The following RBM41 variants were observed in gnomAD, a reference collection of about 807,000 sequenced individuals.
RBM41 encodes the protein RNA binding motif protein 41.
Under a neutral mutation model 30.8 loss-of-function variants are expected in RBM41, and 14 were observed. That is an observed-to-expected ratio of 0.45 (90% CI 0.30 to 0.71). The LOEUF is 0.71. Ranked by LOEUF, RBM41 falls within the 30% of genes least tolerant of loss-of-function variation. The pLI is 0.08. For synonymous variants in RBM41, 120 were observed against 110.1 expected (o/e 1.09, Z -0.56); for missense variants, 276 against 326.3 (o/e 0.85, Z 1.19).
chrX:107,052,454 C>A, the RBM41 span, among the ~76,000 whole-genome samples: 2 of 110,902 alleles, frequency 1.8e-5, no homozygotes, highest in African/African-American at 6.6e-5. Flanking sequence ...CTCAGTACCC[C>A]CTCTCAACAG....
Position 107,069,288 on chromosome X carries a change from G to A in RBM41, c.1114C>T (p.Arg372Ter). ...PPIQFRMMTG[R>*]MRGQAFITFP... Reference sequence around the variant, plus strand: ...GTGATAAAAGCCTGGCCCCTCATTCGTCCAGTCATCATTCGGAATTGAATT... The same window carrying A: ...GTGATAAAAGCCTGGCCCCTCATTCATCCAGTCATCATTCGGAATTGAATT... The change falls in exon 7 of 8, where the codon CGA becomes TGA. Residue 372 changes from arginine (R) to a stop codon, truncating the protein, a stop_gained. Transcript: ENST00000685964. LOFTEE classifies it high-confidence loss of function. 1.7e-6 allele frequency: 2 copies of A among 1,209,099 alleles called. No individual in the cohort carries two copies. Among genetic ancestry groups the A allele is most frequent in the Non-Finnish European group, 2.2e-6 (2 of 894,484 alleles).
At chrX:107,104,087 AC>A (rs1413984142) in intron 5 of RBM41, among the ~76,000 whole-genome samples, 2 of 107,900 alleles carry the variant, frequency 1.9e-5, no homozygotes, top group Non-Finnish European at 3.8e-5. Context: ...CCCCTCCCCT[AC>A]CCCCCCGCCA....
intron 5 of RBM41, among the ~76,000 whole-genome samples, chrX:107,110,332 C>G (rs1924362148): frequency 9.0e-6 from 1 of 111,094 alleles, no homozygotes; most frequent in African/African-American, 3.3e-5. Context: ...ACATAAAAGG[C>G]AACCCATGAA....
intron 5 of RBM41, among the ~76,000 whole-genome samples, chrX:107,089,462 T>C (rs981946788): frequency 4.5e-5 from 5 of 112,094 alleles, no homozygotes; most frequent in Non-Finnish European, 5.6e-5. Flanking sequence ...CTACCTAATA[T>C]AGTAGCCACT....
intron 5 of RBM41, among the ~76,000 whole-genome samples, chrX:107,111,766 A>T (rs1376447597): frequency 8.9e-6 from 1 of 111,760 alleles, no homozygotes; most frequent in Non-Finnish European, 1.9e-5. Context: ...TATGCTAACT[A>T]AAGCCAGTCA....
At position 107,075,739 on chromosome X, in the gene RBM41, G is replaced by A. The variant is rs1380538638; in HGVS notation, c.1000-6337C>T. On this transcript the variant is annotated intron_variant, in intron 6 of 7. Coordinates refer to ENST00000685964, the MANE Select transcript of RBM41 (RefSeq NM_001324242.2). Reference sequence around the variant, plus strand: ...AAAAAAACAGAAAATTACAAATGTTGGCAAGGATATGAAGAAGTTGGAACC... The same window carrying A: ...AAAAAAACAGAAAATTACAAATGTTAGCAAGGATATGAAGAAGTTGGAACC... Among the ~76,000 whole-genome samples, 15 of 111,681 alleles carry A rather than the reference G, an allele frequency of 1.3e-4. No homozygotes were observed. In the Admixed American group the frequency reaches 1.4e-3, roughly 11 times the overall value.
intron 5 of RBM41, among the ~76,000 whole-genome samples, chrX:107,093,726 G>A (rs1246783269): frequency 9.0e-6 from 1 of 110,908 alleles, no homozygotes; most frequent in East Asian, 2.8e-4. Context: ...GTAGAAGGAA[G>A]AAAACAATAA....
intron 6 of RBM41, among the ~76,000 whole-genome samples, chrX:107,077,836 AG>A (rs1248741833): frequency 1.8e-5 from 2 of 111,696 alleles, no homozygotes; most frequent in African/African-American, 6.5e-5. Context: ...ATTTTAGAAC[AG>A]TTTTGGATTT....
chrX:107,106,811 T>C (rs1036738104), intron 5 of RBM41, among the ~76,000 whole-genome samples: 3 of 102,775 alleles, frequency 2.9e-5, no homozygotes, highest in Non-Finnish European at 5.8e-5. Flanking sequence ...TAGGTGGGAA[T>C]TGAACAATGA....
At chrX:107,067,824 AT>A in intron 7 of RBM41, 131 bp from the exon 8 acceptor site, 1 of 747,341 alleles carries the variant, frequency 1.3e-6, no homozygotes, top group African/African-American at 2.1e-5. Flanking sequence ...TGATTTGATC[AT>A]TTTTTCTATA....
intron 6 of RBM41, among the ~76,000 whole-genome samples, chrX:107,076,316 CAAATAAATAAATAAATAAATAAAT>C (rs55848548): frequency 1.4e-4 from 13 of 92,765 alleles, no homozygotes; most frequent in African/African-American, 3.6e-4. Flanking sequence ...GACTCCGTCT[CAAATAAATAAATAAATAAATAAAT>C]AAATAAATAA....
At chrX:107,075,855 T>C (rs1340333401) in intron 6 of RBM41, among the ~76,000 whole-genome samples, 1 of 111,918 alleles carries the variant, frequency 8.9e-6, no homozygotes, top group Non-Finnish European at 1.9e-5. Flanking sequence ...AGAACTACCA[T>C]ACAATCCAAC....
At chrX:107,083,047 CT>C (rs1921685118) in intron 6 of RBM41, among the ~76,000 whole-genome samples, 1 of 110,459 alleles carries the variant, frequency 9.1e-6, no homozygotes, top group Non-Finnish European at 1.9e-5. Flanking sequence ...TTTTGCTTAT[CT>C]CTGGAGAACT....
chrX:107,100,348 CA>C (rs1178812354), intron 5 of RBM41, among the ~76,000 whole-genome samples: 1 of 110,041 alleles, frequency 9.1e-6, no homozygotes, highest in African/African-American at 3.3e-5. Flanking sequence ...AAAAATTAGC[CA>C]GGGGTGATGG....
intron 6 of RBM41, among the ~76,000 whole-genome samples, chrX:107,082,491 G>A (rs1466669916): frequency 1.8e-5 from 2 of 110,929 alleles, no homozygotes; most frequent in African/African-American, 6.5e-5. Flanking sequence ...TTCTATACAC[G>A]AGGGATACTG....
At chrX:107,112,988 T>C (rs1235376692) in intron 5 of RBM41, 1 of 258,322 alleles carries the variant, frequency 3.9e-6, no homozygotes, top group Non-Finnish European at 7.3e-6. Flanking sequence ...TTACAATTCA[T>C]AGAATTGTAC....
intron 1 of RBM41, 143 bp downstream of exon 1, chrX:107,118,623 G>T: frequency 1.3e-6 from 1 of 774,531 alleles, no homozygotes; most frequent in Non-Finnish European, 2.0e-6. Context: ...CCCTCCTCCC[G>T]TCTCCTTTGT....
intron 5 of RBM41, among the ~76,000 whole-genome samples, chrX:107,108,769 T>G (rs1924220086): frequency 9.0e-6 from 1 of 111,145 alleles, no homozygotes; most frequent in African/African-American, 3.3e-5. Flanking sequence ...ACCAACAACC[T>G]TGCAACAACA....
intron 5 of RBM41, among the ~76,000 whole-genome samples, chrX:107,106,415 T>C (rs1923992981): frequency 9.0e-6 from 1 of 111,401 alleles, no homozygotes; most frequent in Non-Finnish European, 1.9e-5. Flanking sequence ...TTTTACACTG[T>C]TGGTGGGACT....
Sources: gnomAD v4.1 joint callset for allele counts (sites outside exome capture counted in the v4.1 genomes callset) on GRCh38, gnomAD v4.1.1 for gene constraint, MANE v1.5 for transcripts, NCBI Gene and HGNC (gene_info 2026-07-23, HGNC 2026-07-21) for gene names.